PTPRD: variants seen among roughly 807,000 people sequenced by gnomAD.
PTPRD encodes the protein protein tyrosine phosphatase receptor type D, also known as receptor-type tyrosine-protein phosphatase delta.
PTPRD carries 34 observed loss-of-function variants against 214.5 expected under a neutral mutation model. The observed-to-expected ratio is 0.16, with a 90% confidence interval of 0.12 to 0.21. PTPRD has a LOEUF of 0.21. Among genes scored for constraint, PTPRD ranks in the 10% least tolerant of loss-of-function variants. PTPRD has a pLI of 1.00. For missense variants in PTPRD, 2,545 were observed against 2,398.7 expected (o/e 1.06, Z -1.27); for synonymous variants, 1,128 against 845.7 (o/e 1.33, Z -5.79).
intron 3 of PTPRD, among the ~76,000 whole-genome samples, chr9:10,188,098 G>A (rs541417844): frequency 3.3e-5 from 5 of 151,942 alleles, no homozygotes; most frequent in African/African-American, 7.2e-5. Flanking sequence ...ACATTATTTC[G>A]AAAACCCATG....
At chr9:8,508,236 G>C (rs2097580808) in intron 21 of PTPRD, among the ~76,000 whole-genome samples, 1 of 152,190 alleles carries the variant, frequency 6.6e-6, no homozygotes, top group African/African-American at 2.4e-5. Flanking sequence ...CAATTTGGAA[G>C]AGCTGTTTAT....
At chr9:9,102,085 C>G (rs563488153) in intron 10 of PTPRD, among the ~76,000 whole-genome samples, 2 of 152,204 alleles carry the variant, frequency 1.3e-5, no homozygotes, top group Admixed American at 1.3e-4. Flanking sequence ...AGCATACAGA[C>G]TCTTCTTTTA....
At chr9:8,853,079 G>C (rs530291827) in intron 11 of PTPRD, among the ~76,000 whole-genome samples, 2 of 152,120 alleles carry the variant, frequency 1.3e-5, no homozygotes, top group Non-Finnish European at 2.9e-5. Context: ...TTGATTTCTT[G>C]AAAGCAAATG....
At chr9:8,930,194 A>G (rs1031785375) in intron 11 of PTPRD, among the ~76,000 whole-genome samples, 2 of 148,870 alleles carry the variant, frequency 1.3e-5, no homozygotes, top group Admixed American at 6.8e-5. Context: ...CCCACCTATG[A>G]GTGAGAACAT....
chr9:8,833,143 A>G (rs1256484598), intron 11 of PTPRD, among the ~76,000 whole-genome samples: 2 of 152,144 alleles, frequency 1.3e-5, no homozygotes, highest in Admixed American at 6.5e-5. Context: ...AAGAAAAAAC[A>G]TGAGCTTTAG....
At chr9:8,677,943 C>T (rs2097464552) in intron 12 of PTPRD, among the ~76,000 whole-genome samples, 2 of 152,084 alleles carry the variant, frequency 1.3e-5, no homozygotes, top group South Asian at 4.1e-4. Context: ...TTTTGTATCT[C>T]AGCCTCTGCT....
At chr9:9,774,805 A>G (rs147018790) in intron 5 of PTPRD, among the ~76,000 whole-genome samples, 2,555 of 152,262 alleles carry the variant, frequency 0.017, 33 homozygotes, top group Middle Eastern at 0.082. Flanking sequence ...CGTTTTGTTA[A>G]CATATTGTAA....
At chr9:8,864,430 AAG>A (rs1362591187) in intron 11 of PTPRD, among the ~76,000 whole-genome samples, 7 of 152,222 alleles carry the variant, frequency 4.6e-5, no homozygotes, top group African/African-American at 1.7e-4. Context: ...AATGGTTAGG[AAG>A]AGAGAAATAA....
At chr9:9,674,410 G>T (rs940589897) in intron 7 of PTPRD, among the ~76,000 whole-genome samples, 3 of 149,836 alleles carry the variant, frequency 2.0e-5, no homozygotes, top group East Asian at 1.9e-4. Context: ...TAAATTGAAA[G>T]AAAAAAAGAA....
chr9:8,596,539 T>A (rs1198981442), intron 14 of PTPRD, among the ~76,000 whole-genome samples: 1 of 151,844 alleles, frequency 6.6e-6, no homozygotes, highest in Non-Finnish European at 1.5e-5. Flanking sequence ...GCAGAAACAA[T>A]GCGGAAAGTG....
At chr9:9,872,972 T>G (rs1600470692) in intron 5 of PTPRD, among the ~76,000 whole-genome samples, 2 of 152,152 alleles carry the variant, frequency 1.3e-5, no homozygotes, top group Non-Finnish European at 2.9e-5. Flanking sequence ...ACAATCAATG[T>G]CTAAGCACTT....
intron 2 of PTPRD, among the ~76,000 whole-genome samples, chr9:10,527,937 T>C (rs921495673): frequency 1.3e-5 from 2 of 152,150 alleles, no homozygotes; most frequent in African/African-American, 4.8e-5. Flanking sequence ...TGTTTTTATA[T>C]ACACTATATT....
At chr9:8,732,276 T>G (rs1350722333) in intron 12 of PTPRD, among the ~76,000 whole-genome samples, 5 of 152,182 alleles carry the variant, frequency 3.3e-5, no homozygotes, top group African/African-American at 1.2e-4. Context: ...AAATATAACT[T>G]CATGGACGTA....
At chr9:8,648,823 C>A (rs968718828) in intron 12 of PTPRD, among the ~76,000 whole-genome samples, 4 of 152,136 alleles carry the variant, frequency 2.6e-5, no homozygotes, top group African/African-American at 9.7e-5. Context: ...CAAAAAGAAC[C>A]TCTACCAATG....
rs896211990 is a variant in PTPRD at position 10,309,412 on chromosome 9, G to T, written c.-545+31551C>A. ...CTGTTGCCTAGGCTGAAGTGTAATG[G>T]CACAATCTCGACTCACTTCAACCTC... On this transcript the variant is annotated intron_variant, in intron 3 of 45. Transcript: ENST00000381196. Among the ~76,000 whole-genome samples the T allele has an allele frequency of 5.9e-5, 9 of 151,758 alleles. No homozygotes were observed. In the South Asian group the frequency reaches 1.7e-3, roughly 28 times the overall value.
At chr9:8,425,020 T>A (rs1002970189) in intron 35 of PTPRD, among the ~76,000 whole-genome samples, 3 of 152,124 alleles carry the variant, frequency 2.0e-5, no homozygotes, top group Non-Finnish European at 2.9e-5. Flanking sequence ...TCATCTACAC[T>A]CCCAAAGCAT....
intron 39 of PTPRD, among the ~76,000 whole-genome samples, chr9:8,352,082 G>T (rs2075657147): frequency 2.3e-5 from 1 of 42,768 alleles, no homozygotes; most frequent in Non-Finnish European, 4.0e-5. Flanking sequence ...GGCCTAATCT[G>T]ATTTTTTTTT....
At chr9:8,702,686 T>A (rs553181412) in intron 12 of PTPRD, among the ~76,000 whole-genome samples, 3 of 152,298 alleles carry the variant, frequency 2.0e-5, no homozygotes, top group East Asian at 3.9e-4. Flanking sequence ...CGATCTCGGC[T>A]CACTGCAACC....
intron 12 of PTPRD, among the ~76,000 whole-genome samples, chr9:8,710,730 T>C (rs1209183272): frequency 6.6e-6 from 1 of 152,204 alleles, no homozygotes; most frequent in East Asian, 1.9e-4. Context: ...AACGATTTTA[T>C]ATCAGAAATA....
Sources: allele counts gnomAD v4.1 joint callset (sites outside exome capture counted in the v4.1 genomes callset), GRCh38; gene constraint gnomAD v4.1.1; transcripts MANE v1.5; gene names NCBI Gene and HGNC (gene_info 2026-07-23, HGNC 2026-07-21).